Variants in REV3L observed in about 807,000 individuals in gnomAD.
REV3L encodes REV3 like, DNA directed polymerase zeta catalytic subunit.
Under a neutral mutation model 299.4 loss-of-function variants are expected in REV3L, and 69 were observed. That is an observed-to-expected ratio of 0.23 (90% CI 0.19 to 0.28). The LOEUF (loss-of-function observed/expected upper bound fraction) is 0.28. REV3L is among the 10% of genes least tolerant of loss of function. The probability of loss-of-function intolerance (pLI) is 1.00; values close to 1 mark genes in which losing one functional copy is unlikely to be tolerated. For missense variants in REV3L, 3,128 were observed against 3,693.8 expected (o/e 0.85, Z 3.97); for synonymous variants, 1,238 against 1,271.4 (o/e 0.97, Z 0.56).
intron 1 of REV3L, among the ~76,000 whole-genome samples, chr6:111,472,753 G>A (rs1243116601): frequency 6.6e-6 from 1 of 151,986 alleles, no homozygotes; most frequent in Non-Finnish European, 1.5e-5. Flanking sequence ...AACCCACAGA[G>A]AGCTGGAAGA....
chr6:111,483,529 G>GAA, upstream of REV3L: 1 of 513,870 alleles, frequency 1.9e-6, no homozygotes, highest in Admixed American at 2.4e-5. Flanking sequence ...TTGCGGGAGG[G>GAA]GGGCGCCAGT....
intron 20 of REV3L, among the ~76,000 whole-genome samples, chr6:111,344,871 G>A (rs2114910923): frequency 1.3e-5 from 2 of 152,266 alleles, no homozygotes; most frequent in South Asian, 4.2e-4. Flanking sequence ...TGTGATCCAG[G>A]AGGTACAAAA....
intron 20 of REV3L, among the ~76,000 whole-genome samples, chr6:111,347,346 T>C (rs1370642391): frequency 2.6e-5 from 4 of 151,758 alleles, no homozygotes. Context: ...TCTGTATCTC[T>C]TATATCCTGT....
At position 111,300,104 on chromosome 6, in the gene REV3L, A is replaced by G; in HGVS notation, c.9305T>C (p.Leu3102Pro). The G allele has an allele frequency of 6.2e-7, 1 of 1,613,538 alleles. No homozygotes were observed. Among genetic ancestry groups the G allele is most frequent in the South Asian group, 1.1e-5 (1 of 90,924 alleles). ...GAGTTTGAAAAGTACTGGGCAGTTC[A>G]GAGAAACACATGGGATGTGTCGATC... ...CFDRHIPCVSLNCPVLFKLSR... is the reference protein window; with the variant it reads ...CFDRHIPCVSPNCPVLFKLSR... Residue 3102 changes from leucine to proline, a missense_variant, in exon 32 of 32, where the codon CTG (leucine) becomes CCG (proline). Leu to Pro is a moderately conservative substitution (Grantham distance 98). This residue lies in a region of REV3L where 294 missense variants were observed against 377.0 expected (regional missense o/e 0.78). Transcript: ENST00000368802.
intron 20 of REV3L, among the ~76,000 whole-genome samples, chr6:111,346,385 G>A (rs150884642): frequency 2.9e-3 from 444 of 152,158 alleles, no homozygotes; most frequent in South Asian, 6.2e-3. Context: ...TTGTCACTAC[G>A]AATTCAAAGT....
chr6:111,353,478 T>C (rs796852305), intron 18 of REV3L, among the ~76,000 whole-genome samples: 8 of 152,314 alleles, frequency 5.3e-5, no homozygotes, highest in African/African-American at 1.7e-4. Flanking sequence ...AAAGGCCCTA[T>C]GAAAGTACAT....
At chr6:111,461,271 C>T (rs1368284441) in intron 1 of REV3L, among the ~76,000 whole-genome samples, 2 of 151,600 alleles carry the variant, frequency 1.3e-5, no homozygotes, top group African/African-American at 4.9e-5. Context: ...TCTCTGTGGG[C>T]CTAGGGCTAA....
chr6:111,350,252 G>A (rs1777452247), intron 19 of REV3L, among the ~76,000 whole-genome samples: 1 of 151,890 alleles, frequency 6.6e-6, no homozygotes, highest in South Asian at 2.1e-4. Context: ...TCTAAACTAG[G>A]ATTACCTGAA....
intron 1 of REV3L, among the ~76,000 whole-genome samples, chr6:111,446,746 A>T (rs1410756019): frequency 6.6e-6 from 1 of 151,756 alleles, no homozygotes; most frequent in Non-Finnish European, 1.5e-5. Context: ...CTCCCAAATC[A>T]CAGGGACTCT....
rs773615167 is a variant in REV3L, at chr6:111,416,435, A to C, written c.177T>G (p.Pro59=). 6.2e-7 allele frequency: 1 copy of C among 1,613,746 alleles called. No individual in the cohort carries two copies. The highest frequency in any genetic ancestry group is 1.7e-5 in the Admixed American group (1 of 59,998). Residue 59 remains proline, a synonymous_variant, in exon 2 of 32, where the codon CCT becomes CCG. Coordinates refer to ENST00000368802, the MANE Select transcript of REV3L (RefSeq NM_001372078.1). ...AACCATCGTATGGCACATAGAGGTA[A>C]GGAAAGATGCCATGTAGATGAAGAC... ...KTCLHLHGIF[P]YLYVPYDGYG...
At chr6:111,319,117 A>G (rs1321579761) in intron 26 of REV3L, among the ~76,000 whole-genome samples, 2 of 152,192 alleles carry the variant, frequency 1.3e-5, no homozygotes, top group African/African-American at 4.8e-5. Context: ...GTTAAAAATT[A>G]TAATTCCATA....
At position 111,372,779 on chromosome 6, in the gene REV3L, G is replaced by A; in HGVS notation, c.5576C>T (p.Thr1859Ile). 1 of 1,612,984 alleles carries A rather than the reference G, an allele frequency of 6.2e-7. No homozygotes were observed. The highest frequency in any genetic ancestry group is 8.5e-7 in the Non-Finnish European group (1 of 1,179,452). The change falls in exon 13 of 32, where the codon ACT becomes ATT. Residue 1859 changes from threonine (T) to isoleucine (I), a missense_variant. By Grantham distance (89) the Thr-to-Ile change is moderately conservative (BLOSUM62 -1). Coordinates refer to ENST00000368802, the MANE Select transcript of REV3L (RefSeq NM_001372078.1). Reference sequence around the variant, plus strand: ...ATTTTTAGATTGTGAAGGAGAGCTAGTAGATCTTGGTGAACTATCAGGAGT... The same window carrying A: ...ATTTTTAGATTGTGAAGGAGAGCTAATAGATCTTGGTGAACTATCAGGAGT... ...TPTPDSSPRS[T>I]SSPSQSKNGS...
intron 19 of REV3L, among the ~76,000 whole-genome samples, chr6:111,350,512 T>C (rs1777475179): frequency 6.6e-6 from 1 of 151,596 alleles, no homozygotes; most frequent in South Asian, 2.1e-4. Context: ...ATTGCTATCA[T>C]GCAAAGGACA....
At position 111,375,870 on chromosome 6, in the gene REV3L, G is replaced by A. The variant is rs574172575; in HGVS notation, c.2485C>T (p.Arg829Trp). Residue 829 changes from arginine (R) to tryptophan (W), a missense_variant, in exon 13 of 32, where the codon CGG (arginine) becomes TGG (tryptophan). Physicochemically the swap from Arg to Trp is moderately radical, Grantham distance 101. Coordinates refer to ENST00000368802, the MANE Select transcript of REV3L (RefSeq NM_001372078.1). ...YKLQPGNKPS[R>W]LKLNKRKLAG... ...AGTTTCCTTTTATTCAATTTTAACC[G>A]GGATGGTTTATTGCCAGGTTGTAAT... 2.5e-5 allele frequency: 40 copies of A among 1,613,772 alleles called. No individual in the cohort carries two copies. Among genetic ancestry groups the A allele is most frequent in the Non-Finnish European group, 3.0e-5 (35 of 1,179,844 alleles).
At position 111,355,940 on chromosome 6, in the gene REV3L, G is replaced by A. The variant is rs1245377407; in HGVS notation, c.7184+1074C>T. The stretch of plus-strand genomic sequence containing the variant: ...GTAAAAATACTTTTTTTCCTTCAGA[G>A]TCGTGGGTAGTAGCATACTATTTTT... On this transcript the variant is annotated intron_variant, in intron 18 of 31. Transcript: ENST00000368802. Among the ~76,000 whole-genome samples the A allele has an allele frequency of 5.7e-4, 86 of 152,192 alleles. 2 individuals carry two copies. Among genetic ancestry groups the A allele is most frequent in the Non-Finnish European group, 7.4e-5 (5 of 67,968 alleles).
In REV3L at chr6:111,307,568, G is replaced by T. The variant is rs17511525; in HGVS notation, c.9045C>A (p.Ile3015=). ...TTCGCGAGGAGCTGGTAGCTTTATG[G>T]ATCTATAAAAACATCCATTCAGAAG... The part of the protein sequence containing the change: ...VFSWYHELPR[I]HKATSSSRSE... The change falls in exon 31 of 32, where the codon ATC becomes ATA. Residue 3015 remains isoleucine (I), a splice_region_variant and synonymous_variant. Coordinates refer to ENST00000368802, the MANE Select transcript of REV3L (RefSeq NM_001372078.1). 1,575 of 1,614,058 alleles carry T rather than the reference G, an allele frequency of 9.8e-4. 10 individuals are homozygous for T. The African/African-American group carries it at 0.018, about 18-fold the overall frequency.
intron 1 of REV3L, among the ~76,000 whole-genome samples, chr6:111,417,283 G>A (rs1195437080): frequency 6.6e-6 from 1 of 152,202 alleles, no homozygotes; most frequent in Non-Finnish European, 1.5e-5. Context: ...ACGATAATCT[G>A]TCCATGACAA....
intron 1 of REV3L, among the ~76,000 whole-genome samples, chr6:111,452,610 T>C (rs1016334061): frequency 2.0e-5 from 3 of 152,170 alleles, no homozygotes; most frequent in East Asian, 3.8e-4. Context: ...TACAGTGATA[T>C]AGCAGATAAG....
chr6:111,363,688 T>C (rs1296813761), intron 16 of REV3L, among the ~76,000 whole-genome samples, 165 bp downstream of exon 16: 1 of 152,114 alleles, frequency 6.6e-6, no homozygotes, highest in African/African-American at 2.4e-5. Context: ...GTATTGTACA[T>C]AAACATGTAA....
Sources: allele counts gnomAD v4.1 joint callset (sites outside exome capture counted in the v4.1 genomes callset), GRCh38; gene constraint gnomAD v4.1.1; regional missense constraint gnomAD v4.1.1; transcripts MANE v1.5; gene names NCBI Gene and HGNC (gene_info 2026-07-23, HGNC 2026-07-21).